Variants in TAAR2 observed in about 807,000 individuals in gnomAD.
TAAR2 encodes the protein trace amine associated receptor 2, also known as trace amine-associated receptor 2.
Under a neutral mutation model 25.5 loss-of-function variants are expected in TAAR2, and 30 were observed. The observed-to-expected ratio is 1.18, with a 90% CI of 0.88 to 1.60. The LOEUF is 1.60. TAAR2 is among the 40% of genes most tolerant of loss of function. TAAR2 has a pLI of 0.00. For missense variants in TAAR2, 481 were observed against 416.5 expected, an observed-to-expected ratio of 1.15 and a Z score of -1.35; for synonymous variants, 150 against 142.4, an observed-to-expected ratio of 1.05 and a Z score of -0.38.
In TAAR2 at chr6:132,617,777, A is replaced by G. The variant is rs1562194743; in HGVS notation, c.429T>C (p.Tyr143=). ...AATAAAGTAATGGGTAACATATAGC[A>G]TAAAATCTATCAATGGCCACTGAGC... The part of the protein sequence containing the change: ...HLCSVAIDRF[Y]AICYPLLYST... Residue 143 remains tyrosine, a synonymous_variant, in exon 2 of 2, where the codon TAT becomes TAC. Coordinates refer to ENST00000367931, the MANE Select transcript of TAAR2 (RefSeq NM_001033080.1). 1 of 1,613,978 alleles carries G rather than the reference A, an allele frequency of 6.2e-7. No homozygotes were observed. The highest frequency in any genetic ancestry group is 8.5e-7 in the Non-Finnish European group (1 of 1,180,010).
At position 132,617,380 on chromosome 6, in the gene TAAR2, A is replaced by G. The variant is rs1373716608; in HGVS notation, c.826T>C (p.Phe276Leu). 6.2e-7 allele frequency: 1 copy of G among 1,613,666 alleles called. No individual in the cohort carries two copies. Among genetic ancestry groups the G allele is most frequent in the East Asian group, 2.2e-5 (1 of 44,766 alleles). The change falls in exon 2 of 2, where the codon TTT (phenylalanine) becomes CTT (leucine). Residue 276 changes from phenylalanine to leucine, a missense_variant. Physicochemically the swap from Phe to Leu is conservative, Grantham distance 22. Transcript: ENST00000367931. ...IVIGVFLLCW[F>L]PCFFTILLDP... ...AATAAAATTGTGAAGAAACAAGGAA[A>G]CCAACATAATAAGAAAACTCCTATC...
chr6:132,619,188 G>T (rs1261444932), intron 1 of TAAR2, among the ~76,000 whole-genome samples: 1 of 152,170 alleles, frequency 6.6e-6, no homozygotes, highest in Non-Finnish European at 1.5e-5. Flanking sequence ...CACACACAAG[G>T]CTATGAGCAG....
chr6:132,617,578 C>T lies in TAAR2; in HGVS notation c.628G>A (p.Gly210Arg). Residue 210 changes from glycine to arginine, a missense_variant, in exon 2 of 2, where the codon GGG (glycine) becomes AGG (arginine). Coordinates refer to ENST00000367931, the MANE Select transcript of TAAR2 (RefSeq NM_001033080.1). ...AAACCTGCCATAAACAAGGTGGTCC[C>T]CCATAGCTTGTTGAACATCACTGGG... ...SCPVMFNKLWGTTLFMAGFFT... is the reference protein window; with the variant it reads ...SCPVMFNKLWRTTLFMAGFFT... 1 of 1,613,984 alleles carries T rather than the reference C, an allele frequency of 6.2e-7. No individual in the cohort carries two copies. The highest frequency in any genetic ancestry group is 8.5e-7 in the Non-Finnish European group (1 of 1,179,980).
rs548470048 is a variant in TAAR2, at chr6:132,618,202, T to C, written c.61-57A>G. 5 of 1,458,814 alleles carry C rather than the reference T, an allele frequency of 3.4e-6. No individual in the cohort carries two copies. The African/African-American group carries it at 5.7e-5, about 17-fold the overall frequency. The allele number at this position is 1,458,814 out of a possible 1,614,324, so 90.4% of individuals were successfully genotyped here. A position where few individuals can be genotyped will look rare whatever the true frequency, so the allele number is the denominator to read the frequency against. Reference sequence around the variant, plus strand: ...CAGAATATAAATATTCTATGTTTTATATATGCTTTCATAGAAAAACTCAAG... The same window carrying C: ...CAGAATATAAATATTCTATGTTTTACATATGCTTTCATAGAAAAACTCAAG... On this transcript the variant is annotated intron_variant, in intron 1 of 1. Coordinates refer to ENST00000367931, the MANE Select transcript of TAAR2 (RefSeq NM_001033080.1).
rs1777324271 is a variant in TAAR2 at position 132,618,061 on chromosome 6, A to G, written c.145T>C (p.Phe49Leu). Residue 49 changes from phenylalanine (F) to leucine (L), a missense_variant, in exon 2 of 2, where the codon TTT (phenylalanine) becomes CTT (leucine). Phe to Leu is a conservative substitution (Grantham distance 22). Coordinates refer to ENST00000367931, the MANE Select transcript of TAAR2 (RefSeq NM_001033080.1). The part of the protein sequence containing the change: ...SLGVRVAMYS[F>L]MAGSIFITIF... ...GTGATGAATATGGATCCTGCCATAA[A>G]TGAATACATAGCCACTCGGACACCC... 2 of 1,614,020 alleles carry G rather than the reference A, an allele frequency of 1.2e-6. No homozygotes were observed. The highest frequency in any genetic ancestry group is 4.5e-5 in the East Asian group (2 of 44,844).
At position 132,617,562 on chromosome 6, in the gene TAAR2, A is replaced by G. The variant is rs771927716; in HGVS notation, c.644T>C (p.Met215Thr). ...FNKLWGTTLF[M>T]AGFFTPGSMM... ...AGACCCAGGAGTGAAGAAACCTGCCATAAACAAGGTGGTCCCCCATAGCTT... is the reference window on the plus strand; with the variant it reads ...AGACCCAGGAGTGAAGAAACCTGCCGTAAACAAGGTGGTCCCCCATAGCTT... Residue 215 changes from methionine (M) to threonine (T), a missense_variant, in exon 2 of 2, where the codon ATG (methionine) becomes ACG (threonine). Met to Thr is a moderately conservative substitution (Grantham distance 81). Transcript: ENST00000367931. 8 of 1,614,086 alleles carry G rather than the reference A, an allele frequency of 5.0e-6. No individual in the cohort carries two copies. Among genetic ancestry groups the G allele is most frequent in the Admixed American group, 3.3e-5 (2 of 60,008 alleles).
intron 1 of TAAR2, among the ~76,000 whole-genome samples, chr6:132,620,919 C>T (rs1353159749): frequency 1.5e-5 from 2 of 131,954 alleles, no homozygotes; most frequent in Non-Finnish European, 3.2e-5. Context: ...AGAAGAGAAG[C>T]GAGAGATTTT....
At chr6:132,622,677 G>A (rs946592688) in intron 1 of TAAR2, among the ~76,000 whole-genome samples, 8 of 151,486 alleles carry the variant, frequency 5.3e-5, no homozygotes, top group Non-Finnish European at 8.8e-5. Context: ...GTAGAGACAC[G>A]GTTTCACTGT....
At position 132,617,313 on chromosome 6, in the gene TAAR2, T is replaced by A. The variant is rs1777305624; in HGVS notation, c.893A>T (p.Asp298Val). 1 of 1,613,686 alleles carries A rather than the reference T, an allele frequency of 6.2e-7. No individual in the cohort carries two copies. The highest frequency in any genetic ancestry group is 8.5e-7 in the Non-Finnish European group (1 of 1,179,888). Reference protein sequence around the residue: ...LNFSTPVVLFDALTWFGYFNS... With the variant: ...LNFSTPVVLFVALTWFGYFNS... ...AAAATAGCCAAACCATGTCAAGGCA[T>A]CAAACAAAACTACAGGAGTAGAGAA... Residue 298 changes from aspartate to valine, a missense_variant, in exon 2 of 2, where the codon GAT becomes GTT. Physicochemically the swap from Asp to Val is radical, Grantham distance 152. Transcript: ENST00000367931.
intron 1 of TAAR2, among the ~76,000 whole-genome samples, chr6:132,623,088 A>G (rs1478793963): frequency 6.6e-6 from 1 of 152,166 alleles, no homozygotes; most frequent in Non-Finnish European, 1.5e-5. Context: ...TAGCAGGTTC[A>G]AGTACACATT....
rs201800311 is a variant in TAAR2 at position 132,617,714 on chromosome 6, T to C, written c.492A>G (p.Leu164=). ...KITIPVIKRL[L]LLCWSVPGAF... ...CTCCAGGGACCGACCAACATAGAAG[T>C]AGCAATCTTTTAATGACTGGAATAG... Residue 164 remains leucine (L), a synonymous_variant, in exon 2 of 2, where the codon CTA becomes CTG. Transcript: ENST00000367931. 15 of 1,613,852 alleles carry C rather than the reference T, an allele frequency of 9.3e-6. No individual in the cohort carries two copies. Among genetic ancestry groups the C allele is most frequent in the South Asian group, 7.7e-5 (7 of 91,080 alleles).
At chr6:132,622,500 T>C (rs1277357473) in intron 1 of TAAR2, among the ~76,000 whole-genome samples, 13 of 142,844 alleles carry the variant, frequency 9.1e-5, no homozygotes, top group African/African-American at 3.4e-4. Flanking sequence ...TTTTTTTTTT[T>C]TTTGAGGCGG....
At chr6:132,618,984 T>A (rs1366158480) in intron 1 of TAAR2, among the ~76,000 whole-genome samples, 1 of 152,254 alleles carries the variant, frequency 6.6e-6, no homozygotes, top group Non-Finnish European at 1.5e-5. Flanking sequence ...AAGAATCATC[T>A]AATGACCTCT....
intron 1 of TAAR2, 69 bp from the exon 2 acceptor site, chr6:132,618,214 T>C: frequency 1.4e-6 from 2 of 1,398,616 alleles, no homozygotes; most frequent in Non-Finnish European, 9.6e-7. Flanking sequence ...TATGCTTTCA[T>C]AGAAAAACTC....
In TAAR2 at chr6:132,618,065, A is replaced by C; in HGVS notation, c.141T>G (p.Tyr47Ter). The change falls in exon 2 of 2, where the codon TAT (tyrosine) becomes TAG (stop). Residue 47 changes from tyrosine to a stop codon, truncating the protein, a stop_gained. Coordinates refer to ENST00000367931, the MANE Select transcript of TAAR2 (RefSeq NM_001033080.1). LOFTEE classifies it high-confidence loss of function. ...ERSLGVRVAM[Y>*]SFMAGSIFIT... ...TGAATATGGATCCTGCCATAAATGA[A>C]TACATAGCCACTCGGACACCCAGAG... 7 of 1,614,008 alleles carry C rather than the reference A, an allele frequency of 4.3e-6. No homozygotes were observed. The highest frequency in any genetic ancestry group is 5.9e-6 in the Non-Finnish European group (7 of 1,179,920).
intron 1 of TAAR2, among the ~76,000 whole-genome samples, chr6:132,623,608 T>A (rs1432629616): frequency 6.6e-6 from 1 of 151,648 alleles, no homozygotes; most frequent in East Asian, 1.9e-4. Flanking sequence ...CTTCTCTAAC[T>A]ACTGTTAATG....
chr6:132,617,223 T>C lies in TAAR2; in HGVS notation c.983A>G (p.Tyr328Cys). The change falls in exon 2 of 2, where the codon TAC becomes TGC. Residue 328 changes from tyrosine to cysteine, a missense_variant. Tyr to Cys is a radical substitution (Grantham distance 194, BLOSUM62 -2). Coordinates refer to ENST00000367931, the MANE Select transcript of TAAR2 (RefSeq NM_001033080.1). ...GCTGAAAATTTTACCTAGCAAAATG[T>C]ACTTCAGTGCTCTGCGAAACCAGGG... is the stretch of plus-strand genomic sequence containing the variant. ...FYPWFRRALK[Y>C]ILLGKIFSSC... 1 of 1,610,632 alleles carries C rather than the reference T, an allele frequency of 6.2e-7. No homozygotes were observed. Among genetic ancestry groups the C allele is most frequent in the Non-Finnish European group, 8.5e-7 (1 of 1,179,196 alleles).
In TAAR2 at chr6:132,617,747, G is replaced by A. The variant is rs144476223; in HGVS notation, c.459C>T (p.Thr153=). ...TTTTAATGACTGGAATAGTTATTTT[G>A]GTGGAATAAAGTAATGGGTAACATA... is the stretch of plus-strand genomic sequence containing the variant. The part of the protein sequence containing the change: ...YAICYPLLYS[T]KITIPVIKRL... Residue 153 remains threonine (T), a synonymous_variant, in exon 2 of 2, where the codon ACC becomes ACT. Coordinates refer to ENST00000367931, the MANE Select transcript of TAAR2 (RefSeq NM_001033080.1). 1.9e-6 allele frequency: 3 copies of A among 1,613,854 alleles called. No individual in the cohort carries two copies. The African/African-American group carries it at 4.0e-5, about 22-fold the overall frequency.
chr6:132,618,044 T>C lies in TAAR2; in HGVS notation c.162A>G (p.Ile54Met). 6.2e-7 allele frequency: 1 copy of C among 1,614,070 alleles called. No individual in the cohort carries two copies. Among genetic ancestry groups the C allele is most frequent in the South Asian group, 1.1e-5 (1 of 91,080 alleles). The change falls in exon 2 of 2, where the codon ATA (isoleucine) becomes ATG (methionine). Residue 54 changes from isoleucine (I) to methionine (M), a missense_variant. By Grantham distance (10) the Ile-to-Met change is conservative. Transcript: ENST00000367931. ...VAMYSFMAGS[I>M]FITIFGNLAM... ...CAAGATTGCCAAATATTGTGATGAATATGGATCCTGCCATAAATGAATACA... is the reference window on the plus strand; with the variant it reads ...CAAGATTGCCAAATATTGTGATGAACATGGATCCTGCCATAAATGAATACA...
Sources: gnomAD v4.1 joint callset for allele counts (sites outside exome capture counted in the v4.1 genomes callset) on GRCh38, gnomAD v4.1.1 for gene constraint, MANE v1.5 for transcripts, NCBI Gene and HGNC (gene_info 2026-07-23, HGNC 2026-07-21) for gene names.